CDYL: variants seen among roughly 807,000 people sequenced by gnomAD.
The protein encoded by CDYL is chromodomain Y-like protein.
A neutral mutation model predicts 47.3 loss-of-function variants in CDYL; 8 were observed. That is an observed-to-expected ratio of 0.17 (90% confidence interval 0.10 to 0.31). The LOEUF (loss-of-function observed/expected upper bound fraction) is 0.31. Among genes scored for constraint, CDYL ranks in the 10% least tolerant of loss-of-function variants. The probability of loss-of-function intolerance (pLI) is 1.00; values close to 1 mark genes in which losing one functional copy is unlikely to be tolerated. For synonymous variants in CDYL, 266 were observed against 265.0 expected (o/e 1.00, Z -0.04); for missense variants, 471 against 701.4 (o/e 0.67, Z 3.71).
chr6:4,946,587 C>T (rs143632002), intron 5 of CDYL, among the ~76,000 whole-genome samples: 2,116 of 152,264 alleles, frequency 0.014, 24 homozygotes, highest in South Asian at 0.06. Flanking sequence ...CTGGGGGTGA[C>T]GCAGGGGTCT....
At chr6:4,868,257 A>T (rs570653874) in intron 1 of CDYL, among the ~76,000 whole-genome samples, 5 of 152,022 alleles carry the variant, frequency 3.3e-5, no homozygotes, top group Admixed American at 2.6e-4. Flanking sequence ...AATTTTCTCT[A>T]AGCACTACAT....
At chr6:4,711,672 G>C (rs1430177231) in intron 1 of CDYL, among the ~76,000 whole-genome samples, 2 of 152,184 alleles carry the variant, frequency 1.3e-5, no homozygotes, top group Non-Finnish European at 2.9e-5. Flanking sequence ...CAAAGGCTGA[G>C]TTTGTCTTCT....
intron 2 of CDYL, among the ~76,000 whole-genome samples, chr6:4,734,131 C>T (rs551872002): frequency 6.6e-5 from 10 of 151,302 alleles, no homozygotes; most frequent in Middle Eastern, 3.4e-3. Context: ...TGAGCCACCA[C>T]GCCCAGCCCT....
chr6:4,740,166 A>G (rs1757772279), intron 3 of CDYL, among the ~76,000 whole-genome samples: 1 of 152,218 alleles, frequency 6.6e-6, no homozygotes, highest in Non-Finnish European at 1.5e-5. Context: ...TCTATCAAGA[A>G]CAGGTGCTAA....
chr6:4,859,235 ATT>A (rs1220437975), intron 1 of CDYL, among the ~76,000 whole-genome samples: 1 of 152,072 alleles, frequency 6.6e-6, no homozygotes, highest in African/African-American at 2.4e-5. Context: ...CTATCCTTGG[ATT>A]ACAACAGACA....
At chr6:4,942,249 C>A (rs999343213) in intron 4 of CDYL, among the ~76,000 whole-genome samples, 2 of 152,120 alleles carry the variant, frequency 1.3e-5, no homozygotes, top group African/African-American at 2.4e-5. Flanking sequence ...GAGGTCCAGC[C>A]GCTAAACTCT....
intron 1 of CDYL, among the ~76,000 whole-genome samples, chr6:4,787,201 G>A (rs1336649499): frequency 6.6e-6 from 1 of 151,976 alleles, no homozygotes; most frequent in African/African-American, 2.4e-5. Flanking sequence ...CAAGAGGCGA[G>A]TGATTATTTT....
At chr6:4,782,536 T>G (rs1307061844) in intron 1 of CDYL, among the ~76,000 whole-genome samples, 2 of 152,218 alleles carry the variant, frequency 1.3e-5, no homozygotes, top group Non-Finnish European at 2.9e-5. Context: ...CTTAATTCTC[T>G]TCAGCCTTTT....
At chr6:4,795,725 A>T (rs1759053164) in intron 1 of CDYL, among the ~76,000 whole-genome samples, 1 of 150,488 alleles carries the variant, frequency 6.6e-6, no homozygotes, top group African/African-American at 2.5e-5. Flanking sequence ...TTTTTAAAGA[A>T]TCAGTTTTTG....
chr6:4,951,350 T>G (rs1429139048), intron 5 of CDYL, among the ~76,000 whole-genome samples: 1 of 152,034 alleles, frequency 6.6e-6, no homozygotes, highest in Admixed American at 6.6e-5. Context: ...CAGACATGTG[T>G]GCACCCCTTC....
chr6:4,777,108 C>G (rs1377391733), intron 1 of CDYL, among the ~76,000 whole-genome samples: 1 of 138,572 alleles, frequency 7.2e-6, no homozygotes, highest in Non-Finnish European at 1.5e-5. Flanking sequence ...TGGCGTGGGT[C>G]GTGGAAGTGG....
intron 1 of CDYL, among the ~76,000 whole-genome samples, chr6:4,784,111 T>G (rs188718166): frequency 1.3e-5 from 2 of 152,376 alleles, no homozygotes; most frequent in East Asian, 3.9e-4. Flanking sequence ...TAATGAGCTG[T>G]GTTTAATCTG....
chr6:4,841,097 T>C (rs116334778), intron 1 of CDYL, among the ~76,000 whole-genome samples: 2,411 of 152,304 alleles, frequency 0.016, 27 homozygotes, highest in Non-Finnish European at 0.024. Context: ...CTGTTTGTTA[T>C]TGGTCTGTTC....
chr6:4,744,547 A>G (rs1757854473), intron 3 of CDYL, among the ~76,000 whole-genome samples: 1 of 152,150 alleles, frequency 6.6e-6, no homozygotes, highest in Non-Finnish European at 1.5e-5. Flanking sequence ...GTGCATGTTG[A>G]AATCAAGGAA....
At chr6:4,812,499 A>G (rs1759557731) in intron 1 of CDYL, among the ~76,000 whole-genome samples, 1 of 152,208 alleles carries the variant, frequency 6.6e-6, no homozygotes, top group Admixed American at 6.5e-5. Flanking sequence ...TGGTTGTATC[A>G]ATCTGACTCT....
At chr6:4,772,825 C>G (rs143869376), upstream of CDYL, 1 of 294,146 alleles carries the variant, frequency 3.4e-6, no homozygotes, top group East Asian at 8.7e-5. Context: ...CTTTTCACAG[C>G]TACCCAACCA....
chr6:4,872,924 T>C (rs529122156), intron 1 of CDYL, among the ~76,000 whole-genome samples: 7 of 152,246 alleles, frequency 4.6e-5, no homozygotes, highest in African/African-American at 7.2e-5. Context: ...TCTTCAAGCT[T>C]TCTGTTTAAC....
intron 2 of CDYL, among the ~76,000 whole-genome samples, chr6:4,931,434 G>C (rs1236847501): frequency 1.3e-5 from 2 of 152,090 alleles, no homozygotes; most frequent in African/African-American, 4.8e-5. Flanking sequence ...AGAAGAAACT[G>C]GCCATTTGAA....
intron 1 of CDYL, among the ~76,000 whole-genome samples, chr6:4,841,537 A>G (rs1269506904): frequency 5.9e-5 from 9 of 152,136 alleles, no homozygotes; most frequent in Non-Finnish European, 1.0e-4. Context: ...TAAGCATATG[A>G]ACTTTCCACT....
Sources: allele counts gnomAD v4.1 joint callset (sites outside exome capture counted in the v4.1 genomes callset), GRCh38; gene constraint gnomAD v4.1.1; transcripts MANE v1.5; gene names NCBI Gene and HGNC (gene_info 2026-07-23, HGNC 2026-07-21).